Variants in PTPRN2 observed in about 807,000 individuals in gnomAD.
PTPRN2 encodes protein tyrosine phosphatase receptor type N2.
PTPRN2 carries 74 observed loss-of-function variants against 118.8 expected under a neutral mutation model. That is an observed-to-expected ratio of 0.62 (90% CI 0.52 to 0.76). The LOEUF (loss-of-function observed/expected upper bound fraction) is 0.76, where lower values mean the gene tolerates loss of function less well. Ranked by LOEUF, PTPRN2 falls within the 30% of genes least tolerant of loss-of-function variation. The pLI is 0.00. For missense variants in PTPRN2, 1,481 were observed against 1,394.4 expected (o/e 1.06, Z -0.99); for synonymous variants, 641 against 608.0 (o/e 1.05, Z -0.80).
Position 157,763,788 on chromosome 7 carries a change from G to A in PTPRN2, c.1789-80851C>T, listed in dbSNP as rs1042326966. On this transcript the variant is annotated intron_variant, in intron 12 of 22. Coordinates refer to ENST00000389418, the MANE Select transcript of PTPRN2 (RefSeq NM_002847.5). This position sits in a 1 kb window ranked among gnomAD's most constrained non-coding sequence, Gnocchi z 4.9. ...GAGAGCCCCGGCAGTGGTAGGAGGA[G>A]GCTGCACCGGGCAGGGTTAGGGGCT... Among the ~76,000 whole-genome samples the A allele has an allele frequency of 8.5e-5, 13 of 152,088 alleles. No individual in the cohort carries two copies. Among genetic ancestry groups the A allele is most frequent in the African/African-American group, 2.7e-4 (11 of 41,420 alleles).
rs927176723 is a variant in PTPRN2 at position 157,560,218 on chromosome 7, TGACCCCTTGAAGGTGGGA to T, written c.2902+8666_2902+8683del. ...GAACCCTGGCTCAGCAGGGTCAGCC[TGACCCCTTGAAGGTGGGA>T]GACCCCTTGAAGGTGGGAGACCTGT... On this transcript the variant is annotated intron_variant, in intron 21 of 22. Coordinates refer to ENST00000389418, the MANE Select transcript of PTPRN2 (RefSeq NM_002847.5). This position sits in a 1 kb window ranked among gnomAD's most constrained non-coding sequence, Gnocchi z 6.7. 6.6e-6 allele frequency among the ~76,000 whole-genome samples: 1 copy of T among 152,124 alleles called. No homozygotes were observed. The highest frequency in any genetic ancestry group is 1.5e-5 in the Non-Finnish European group (1 of 68,012).
intron 4 of PTPRN2, among the ~76,000 whole-genome samples, chr7:158,203,310 A>ATTCCAATC (rs1325400876): frequency 6.6e-6 from 1 of 151,778 alleles, no homozygotes; most frequent in African/African-American, 2.4e-5. Context: ...GAAGGAGAAA[A>ATTCCAATC]TTCCAATCTC....
rs1363249420 is a variant in PTPRN2 at position 157,929,694 on chromosome 7, C to G, written c.1724-30957G>C. Among the ~76,000 whole-genome samples the G allele has an allele frequency of 1.8e-5, 2 of 108,396 alleles. No homozygotes were observed. The highest frequency in any genetic ancestry group is 9.6e-5 in the African/African-American group (2 of 20,868). The allele number at this position is 108,396 out of a possible 152,430, so 71.1% of individuals were successfully genotyped here. On this transcript the variant is annotated intron_variant, in intron 11 of 22. Coordinates refer to ENST00000389418, the MANE Select transcript of PTPRN2 (RefSeq NM_002847.5). The surrounding 1 kb of genome is among the most constrained non-coding windows in gnomAD (Gnocchi z 4.4). ...CCTCTGTCTCTACTGTAAGACTTCC[C>G]TGTCCCTCGGGTGGGGGCGGCATCC... is the stretch of plus-strand genomic sequence containing the variant.
chr7:158,068,056 G>C (rs1194352318), intron 11 of PTPRN2, among the ~76,000 whole-genome samples: 2 of 152,200 alleles, frequency 1.3e-5, no homozygotes, highest in African/African-American at 4.8e-5. Context: ...AGGAAGGCAG[G>C]CATGCTGGGC....
At chr7:157,826,899 C>T (rs1807211602) in intron 12 of PTPRN2, among the ~76,000 whole-genome samples, 1 of 152,096 alleles carries the variant, frequency 6.6e-6, no homozygotes, top group African/African-American at 2.4e-5. Context: ...TTCATCTGCC[C>T]AGGAGCACGA....
chr7:158,460,238 G>GT (rs554219243), intron 2 of PTPRN2, among the ~76,000 whole-genome samples: 36 of 144,954 alleles, frequency 2.5e-4, no homozygotes, highest in African/African-American at 9.3e-4. Context: ...TCCTGCTACA[G>GT]TGCCTGTGTG....
intron 2 of PTPRN2, among the ~76,000 whole-genome samples, chr7:158,329,777 G>C (rs966774543): frequency 6.6e-6 from 1 of 152,118 alleles, no homozygotes; most frequent in Admixed American, 6.5e-5. Context: ...CCTGGGAGTC[G>C]CAACCCAAGA....
At position 158,388,347 on chromosome 7, in the gene PTPRN2, G is replaced by A. The variant is rs145738560; in HGVS notation, c.164-71415C>T. ...CCCCCCCATGAGGGCCAGTGCAGAT[G>A]GACAGCCAGGCCACCTGCATTTCTT... On this transcript the variant is annotated intron_variant, in intron 2 of 22. Coordinates refer to ENST00000389418, the MANE Select transcript of PTPRN2 (RefSeq NM_002847.5). Among the ~76,000 whole-genome samples the A allele has an allele frequency of 5.7e-4, 87 of 152,274 alleles. 1 individual carries two copies. Among genetic ancestry groups the A allele is most frequent in the Non-Finnish European group, 8.8e-4 (60 of 68,020 alleles).
intron 11 of PTPRN2, among the ~76,000 whole-genome samples, chr7:157,971,676 TA>T (rs550891623): frequency 2.9e-4 from 39 of 136,214 alleles, no homozygotes; most frequent in African/African-American, 4.9e-4. Context: ...CCCAAGCCAA[TA>T]AAAAAAAAAG....
chr7:158,184,614 C>T (rs1563571872), intron 5 of PTPRN2, among the ~76,000 whole-genome samples: 1 of 152,122 alleles, frequency 6.6e-6, no homozygotes, highest in East Asian at 1.9e-4. Context: ...GAGTTCAAGA[C>T]CAGCCTGGCC....
At position 158,224,180 on chromosome 7, in the gene PTPRN2, C is replaced by G. The variant is rs535672246; in HGVS notation, c.278-18907G>C. On this transcript the variant is annotated intron_variant, in intron 3 of 22. Coordinates refer to ENST00000389418, the MANE Select transcript of PTPRN2 (RefSeq NM_002847.5). ...TCAACATAATAATGATGTCAACTCT[C>G]CCCAGATTGATACAGAGGTTTCACA... is the stretch of plus-strand genomic sequence containing the variant. 5.3e-5 allele frequency among the ~76,000 whole-genome samples: 8 copies of G among 152,218 alleles called. 1 individual carries two copies. In the South Asian group the frequency reaches 1.7e-3, roughly 32 times the overall value.
At chr7:157,828,844 GTT>G (rs1807359869) in intron 12 of PTPRN2, among the ~76,000 whole-genome samples, 1 of 152,224 alleles carries the variant, frequency 6.6e-6, no homozygotes, top group Admixed American at 6.5e-5. Flanking sequence ...ACGCCACTCA[GTT>G]TTATTTGCGT....
At chr7:158,262,491 A>G (rs1797502788) in intron 3 of PTPRN2, among the ~76,000 whole-genome samples, 1 of 123,350 alleles carries the variant, frequency 8.1e-6, no homozygotes, top group Non-Finnish European at 1.7e-5. Context: ...CTGCACACAC[A>G]TACATGCACA....
chr7:158,084,064 G>A (rs1294318644), intron 10 of PTPRN2, among the ~76,000 whole-genome samples: 1 of 152,202 alleles, frequency 6.6e-6, no homozygotes, highest in East Asian at 1.9e-4. Context: ...GTCGAGTGTG[G>A]CAAGGCCCAC....
At chr7:157,804,429 A>G (rs571570303) in intron 12 of PTPRN2, among the ~76,000 whole-genome samples, 3 of 152,142 alleles carry the variant, frequency 2.0e-5, no homozygotes, top group Admixed American at 2.0e-4. Flanking sequence ...GTGGTGAACA[A>G]CTCCAGTGTC....
At chr7:157,996,905 C>T (rs989794846) in intron 11 of PTPRN2, among the ~76,000 whole-genome samples, 7 of 152,216 alleles carry the variant, frequency 4.6e-5, no homozygotes, top group Non-Finnish European at 8.8e-5. Context: ...CTCCCTGACA[C>T]ATCCTAGGCC....
At chr7:158,084,717 G>A (rs555785559) in intron 10 of PTPRN2, among the ~76,000 whole-genome samples, 52 of 137,072 alleles carry the variant, frequency 3.8e-4, no homozygotes, top group African/African-American at 1.4e-3. Flanking sequence ...CCACACCCAC[G>A]ACACTCATCC....
chr7:157,774,197 T>C (rs1429714066), intron 12 of PTPRN2, among the ~76,000 whole-genome samples: 1 of 152,160 alleles, frequency 6.6e-6, no homozygotes, highest in Non-Finnish European at 1.5e-5. Flanking sequence ...AAACAGACAA[T>C]CTATTTTTTG....
Position 158,354,190 on chromosome 7 carries a change from A to C in PTPRN2, c.164-37258T>G, listed in dbSNP as rs1563192865. ...AAAAAGGAGGCTGCAACCTAGCAAG[A>C]AAACACTCCACAGGTAAATCACAAA... On this transcript the variant is annotated intron_variant, in intron 2 of 22. Coordinates refer to ENST00000389418, the MANE Select transcript of PTPRN2 (RefSeq NM_002847.5). 2.0e-5 allele frequency among the ~76,000 whole-genome samples: 3 copies of C among 152,232 alleles called. No homozygotes were observed. In the South Asian group the frequency reaches 6.2e-4, roughly 32 times the overall value.
Sources: gnomAD v4.1 joint callset for allele counts (sites outside exome capture counted in the v4.1 genomes callset) on GRCh38, gnomAD v4.1.1 for gene constraint, Gnocchi (gnomAD v3.1) non-coding constraint, MANE v1.5 for transcripts, NCBI Gene and HGNC (gene_info 2026-07-23, HGNC 2026-07-21) for gene names.